The following SPATA13 variants were observed in gnomAD, a reference collection of about 807,000 sequenced individuals.
The protein encoded by SPATA13 is spermatogenesis-associated protein 13.
A neutral mutation model predicts 104.0 loss-of-function variants in SPATA13; 50 were observed. The observed-to-expected ratio is 0.48, with a 90% CI of 0.38 to 0.61. The LOEUF (loss-of-function observed/expected upper bound fraction) is 0.61, where lower values mean the gene tolerates loss of function less well. Among genes scored for constraint, SPATA13 ranks in the 20% least tolerant of loss-of-function variants. The pLI, the probability that SPATA13 is intolerant of heterozygous loss-of-function variation, is 0.00. For missense variants in SPATA13, 1,524 were observed against 1,690.6 expected (o/e 0.90, Z 1.73); for synonymous variants, 606 against 667.5 (o/e 0.91, Z 1.42).
intron 3 of SPATA13, among the ~76,000 whole-genome samples, chr13:24,102,351 G>A (rs1248250614): frequency 6.6e-6 from 1 of 152,070 alleles, no homozygotes; most frequent in Non-Finnish European, 1.5e-5. Flanking sequence ...TTGTTGAGTT[G>A]TGGGAGTTCT....
In SPATA13 at chr13:24,303,139, C is replaced by A. The variant is rs970691693; in HGVS notation, c.*366C>A. The A allele has an allele frequency of 1.3e-5, 5 of 374,244 alleles. No homozygotes were observed. Among genetic ancestry groups the A allele is most frequent in the African/African-American group, 1.0e-4 (5 of 47,900 alleles). 23.2% of individuals were successfully genotyped at this position (374,244 alleles called of 1,614,324 possible). A position where few individuals can be genotyped will look rare whatever the true frequency, so the allele number is the denominator to read the frequency against. ...GCAGGTCCAAACACAGCATCCAGGG[C>A]TTTGCAGTTCCTAAGGAGTGATGAG... On this transcript the variant is annotated 3_prime_UTR_variant, in exon 13 of 13. Coordinates refer to ENST00000382108, the MANE Select transcript of SPATA13 (RefSeq NM_001166271.3).
intron 3 of SPATA13, among the ~76,000 whole-genome samples, chr13:24,044,626 G>A (rs1430041662): frequency 2.6e-5 from 4 of 152,134 alleles, no homozygotes; most frequent in Non-Finnish European, 5.9e-5. Context: ...TCGAATCGGG[G>A]TAATTAGCAT....
intron 10 of SPATA13, among the ~76,000 whole-genome samples, chr13:24,296,326 T>C (rs976219373): frequency 6.6e-6 from 1 of 152,158 alleles, no homozygotes; most frequent in Non-Finnish European, 1.5e-5. Context: ...CTCCAAAAAA[T>C]ATTGTGTGTG....
chr13:23,984,842 G>A (rs1409827334), intron 2 of SPATA13, among the ~76,000 whole-genome samples: 2 of 152,198 alleles, frequency 1.3e-5, no homozygotes, highest in African/African-American at 2.4e-5. Context: ...ATTGGTGCCA[G>A]CACTTGGAGT....
chr13:24,133,701 C>G, intron 3 of SPATA13, among the ~76,000 whole-genome samples: 1 of 152,174 alleles, frequency 6.6e-6, no homozygotes, highest in East Asian at 1.9e-4. Flanking sequence ...TATTAGCAGA[C>G]AGCTGTGGGG....
At chr13:24,038,274 A>G (rs1371883542) in intron 3 of SPATA13, among the ~76,000 whole-genome samples, 2 of 152,156 alleles carry the variant, frequency 1.3e-5, no homozygotes, top group Non-Finnish European at 2.9e-5. Context: ...TAAACCCAAT[A>G]TCTGCTATAA....
At chr13:24,174,933 T>C (rs1467553582) in intron 1 of SPATA13, among the ~76,000 whole-genome samples, 1 of 152,258 alleles carries the variant, frequency 6.6e-6, no homozygotes, top group Non-Finnish European at 1.5e-5. Context: ...AGAAATGCGT[T>C]GTTTCATATC....
intron 1 of SPATA13, among the ~76,000 whole-genome samples, chr13:24,193,644 G>A (rs1368679382): frequency 1.3e-5 from 2 of 152,192 alleles, no homozygotes; most frequent in African/African-American, 4.8e-5. Context: ...GCCTGGAGAG[G>A]AATCAGTGGC....
intron 3 of SPATA13, among the ~76,000 whole-genome samples, chr13:24,058,603 G>A (rs947586543): frequency 2.0e-5 from 3 of 151,924 alleles, no homozygotes; most frequent in South Asian, 2.1e-4. Context: ...AACTTTCTTG[G>A]TGTGAAACTC....
chr13:24,001,594 G>A (rs1875972081), intron 2 of SPATA13, among the ~76,000 whole-genome samples: 1 of 152,018 alleles, frequency 6.6e-6, no homozygotes, highest in African/African-American at 2.4e-5. Context: ...TCCTGATGGT[G>A]ATGCTTCCCA....
intron 2 of SPATA13, among the ~76,000 whole-genome samples, chr13:23,988,511 A>G (rs951056514): frequency 6.6e-6 from 1 of 152,224 alleles, no homozygotes; most frequent in African/African-American, 2.4e-5. Context: ...CATGTTGGTC[A>G]ATCAGAATTA....
chr13:24,122,255 C>A, intron 3 of SPATA13: 1 of 1,316,580 alleles, frequency 7.6e-7, no homozygotes, highest in South Asian at 1.2e-5. Flanking sequence ...AGCCTGATAC[C>A]ACACAGGATT....
Position 24,304,780 on chromosome 13 carries a change from G to C in SPATA13, c.*2007G>C, listed in dbSNP as rs1002245090. The stretch of plus-strand genomic sequence containing the variant: ...GCTTCTGTGGACCATCATGCCGCTC[G>C]GCACGTCCTGAGACAGAAGTTGCTG... On this transcript the variant is annotated 3_prime_UTR_variant, in exon 13 of 13. Transcript: ENST00000382108. The C allele has an allele frequency of 6.6e-6, 1 of 152,250 alleles. No homozygotes were observed. Among genetic ancestry groups the C allele is most frequent in the Admixed American group, 6.5e-5 (1 of 15,276 alleles). The allele number at this position is 152,250 out of a possible 1,614,324, so 9.4% of individuals were successfully genotyped here.
intron 3 of SPATA13, among the ~76,000 whole-genome samples, chr13:24,066,585 A>C (rs1224609889): frequency 6.6e-6 from 1 of 152,102 alleles, no homozygotes; most frequent in Non-Finnish European, 1.5e-5. Context: ...GGAGTGCCTC[A>C]CCCATGGAGG....
intron 3 of SPATA13, among the ~76,000 whole-genome samples, chr13:24,071,300 G>A (rs1879154676): frequency 6.6e-6 from 1 of 152,226 alleles, no homozygotes; most frequent in African/African-American, 2.4e-5. Context: ...TGTCTGAAGT[G>A]ATCCAGAAGC....
chr13:24,194,597 A>G (rs979242797), intron 1 of SPATA13, among the ~76,000 whole-genome samples: 2 of 152,208 alleles, frequency 1.3e-5, no homozygotes, highest in African/African-American at 4.8e-5. Context: ...TCCTGCTAAT[A>G]GCTGCATAAT....
In SPATA13 at chr13:24,249,603, G is replaced by C. The variant is rs150270574; in HGVS notation, c.1780G>C (p.Gly594Arg). ...RPRPRPFSDY[G>R]QLASRSLSIP... is the part of the protein sequence containing the mutation. Reference sequence around the variant, plus strand: ...AAGGCCTCGGCCATTCTCTGACTACGGCCAGCTGGCCAGCCGCAGTTTGTC... The same window carrying C: ...AAGGCCTCGGCCATTCTCTGACTACCGCCAGCTGGCCAGCCGCAGTTTGTC... Residue 594 changes from glycine (G) to arginine (R), a missense_variant, in exon 3 of 13, where the codon GGC becomes CGC. By Grantham distance (125) the Gly-to-Arg change is moderately radical. Coordinates refer to ENST00000382108, the MANE Select transcript of SPATA13 (RefSeq NM_001166271.3). 2.5e-6 allele frequency: 4 copies of C among 1,613,928 alleles called. No homozygotes were observed. The South Asian group carries it at 4.4e-5, about 18-fold the overall frequency.
In SPATA13 at chr13:24,251,872, A is replaced by C. The variant is rs1373897596; in HGVS notation, c.2164+10A>C. The C allele has an allele frequency of 6.2e-7, 1 of 1,611,450 alleles. No homozygotes were observed. The highest frequency in any genetic ancestry group is 8.5e-7 in the Non-Finnish European group (1 of 1,178,186). On this transcript the variant is annotated intron_variant, in intron 4 of 12. Coordinates refer to ENST00000382108, the MANE Select transcript of SPATA13 (RefSeq NM_001166271.3). ...ATGAGAGCATCCAACGGTGAGTCTC[A>C]GAGTCCCTTTCCTTTCAGAGCTGCT...
Position 24,051,011 on chromosome 13 carries a change from G to A in SPATA13, c.-112+33310G>A, listed in dbSNP as rs990339108. 3.9e-5 allele frequency among the ~76,000 whole-genome samples: 6 copies of A among 152,208 alleles called. No individual in the cohort carries two copies. The highest frequency in any genetic ancestry group is 1.2e-4 in the African/African-American group (5 of 41,456). The stretch of plus-strand genomic sequence containing the variant: ...AGCTGTTTTTGCAGGTGAGTGTACT[G>A]TGAGCTAAGCAGGCTATAGACCCAT... On this transcript the variant is annotated intron_variant, in intron 3 of 14. Transcript: ENST00000424834. This position sits in a 1 kb window ranked among gnomAD's most constrained non-coding sequence, Gnocchi z 4.2.
Sources: allele counts gnomAD v4.1 joint callset (sites outside exome capture counted in the v4.1 genomes callset), GRCh38; gene constraint gnomAD v4.1.1; non-coding constraint Gnocchi (gnomAD v3.1); transcripts MANE v1.5; gene names NCBI Gene and HGNC (gene_info 2026-07-23, HGNC 2026-07-21).